The following EYS variants were observed in gnomAD, a reference collection of about 807,000 sequenced individuals.
EYS encodes the protein EGF-like photoreceptor maintenance factor, also known as protein eyes shut homolog.
Under a neutral mutation model 282.1 loss-of-function variants are expected in EYS, and 250 were observed. That is an observed-to-expected ratio of 0.89 (90% CI 0.80 to 0.98). EYS has a LOEUF of 0.98. Among genes scored for constraint, EYS ranks in the 50% least tolerant of loss-of-function variants. The pLI is 0.00. For synonymous variants in EYS, 1,355 were observed against 1,282.9 expected (o/e 1.06, Z -1.20); for missense variants, 4,016 against 3,709.0 (o/e 1.08, Z -2.15).
intron 33 of EYS, among the ~76,000 whole-genome samples, chr6:64,023,434 A>G (rs1432266839): frequency 6.6e-6 from 1 of 152,228 alleles, no homozygotes. Flanking sequence ...TGTTTCTACC[A>G]TTTGTAGTGT....
At chr6:65,484,907 G>A (rs2127259385) in intron 5 of EYS, among the ~76,000 whole-genome samples, 1 of 152,282 alleles carries the variant, frequency 6.6e-6, no homozygotes, top group Middle Eastern at 3.4e-3. Context: ...ACACATTTAT[G>A]TTTGTCTATG....
At chr6:64,519,401 G>T (rs2150524588) in intron 26 of EYS, among the ~76,000 whole-genome samples, 1 of 151,830 alleles carries the variant, frequency 6.6e-6, no homozygotes, top group African/African-American at 2.4e-5. Flanking sequence ...CTAATTTGAG[G>T]ATACACAAAA....
Position 64,899,955 on chromosome 6 carries a change from G to T in EYS, c.2846+2158C>A, listed in dbSNP as rs140060822. The stretch of plus-strand genomic sequence containing the variant: ...CCTAAGCAAAGGATCAAAGCTGGAG[G>T]CACAATGCTACCTGACTTCAAACTA... On this transcript the variant is annotated intron_variant, in intron 18 of 42. Coordinates refer to ENST00000503581, the MANE Select transcript of EYS (RefSeq NM_001142800.2). Among the ~76,000 whole-genome samples, 1,232 of 152,216 alleles carry T rather than the reference G, an allele frequency of 8.1e-3. 11 individuals carry two copies. Among genetic ancestry groups the T allele is most frequent in the Non-Finnish European group, 9.4e-3 (636 of 68,002 alleles).
chr6:64,271,883 A>C lies in EYS; in HGVS notation c.6191+35087T>G, dbSNP rs1370322054. On this transcript the variant is annotated intron_variant, in intron 30 of 42. Coordinates refer to ENST00000503581, the MANE Select transcript of EYS (RefSeq NM_001142800.2). Reference sequence around the variant, plus strand: ...GAGACAGAGTCTCACTGCAACTCCCACGCTGGAGTGCAATGGCGTGATCTC... The same window carrying C: ...GAGACAGAGTCTCACTGCAACTCCCCCGCTGGAGTGCAATGGCGTGATCTC... 7.2e-5 allele frequency among the ~76,000 whole-genome samples: 11 copies of C among 152,066 alleles called. No homozygotes were observed. In the East Asian group the frequency reaches 1.9e-3, roughly 27 times the overall value.
chr6:64,266,218 A>G (rs902192613), intron 30 of EYS, among the ~76,000 whole-genome samples: 2 of 152,256 alleles, frequency 1.3e-5, no homozygotes, highest in African/African-American at 4.8e-5. Context: ...CCAGACACTA[A>G]ATACTCAATT....
chr6:64,963,906 T>C (rs1048096225), intron 14 of EYS, among the ~76,000 whole-genome samples: 3 of 152,140 alleles, frequency 2.0e-5, no homozygotes, highest in African/African-American at 4.8e-5. Context: ...TTGTAATACA[T>C]AATATAGAAT....
intron 2 of EYS, among the ~76,000 whole-genome samples, chr6:65,558,482 A>T (rs1169747453): frequency 6.6e-6 from 1 of 152,160 alleles, no homozygotes; most frequent in Non-Finnish European, 1.5e-5. Context: ...GAGCACAAGG[A>T]TATCTGGGTC....
At chr6:64,265,247 C>A (rs914793432) in intron 30 of EYS, among the ~76,000 whole-genome samples, 1 of 152,104 alleles carries the variant, frequency 6.6e-6, no homozygotes, top group African/African-American at 2.4e-5. Context: ...AGAATTATTT[C>A]TTTCCATTGT....
At chr6:64,389,926 C>A (rs1773052794) in intron 28 of EYS, among the ~76,000 whole-genome samples, 1 of 151,290 alleles carries the variant, frequency 6.6e-6, no homozygotes, top group East Asian at 2.0e-4. Context: ...ACACCGTGCG[C>A]CAGCCGAAGC....
At chr6:65,575,352 A>AAATAAATAAATT (rs1764625777) in intron 2 of EYS, among the ~76,000 whole-genome samples, 1 of 150,964 alleles carries the variant, frequency 6.6e-6, no homozygotes, top group South Asian at 2.1e-4. Flanking sequence ...ATAAATAAAT[A>AAATAAATAAATT]AATATTGATT....
intron 31 of EYS, among the ~76,000 whole-genome samples, chr6:64,154,938 A>G (rs1270337290): frequency 1.3e-5 from 2 of 152,166 alleles, no homozygotes; most frequent in Admixed American, 6.5e-5. Flanking sequence ...TAGTTTTCCA[A>G]TCACAGCCAC....
Position 63,864,367 on chromosome 6 carries a change from G to T in EYS, c.7056-9C>A. 1 of 1,545,050 alleles carries T rather than the reference G, an allele frequency of 6.5e-7. No homozygotes were observed. Among genetic ancestry groups the T allele is most frequent in the Non-Finnish European group, 8.7e-7 (1 of 1,142,870 alleles). ...ACAGATTTTCATTATCACTGAGAAGGGAAAAAATTTAAAAATTCATTAGGA... is the reference window on the plus strand; with the variant it reads ...ACAGATTTTCATTATCACTGAGAAGTGAAAAAATTTAAAAATTCATTAGGA... On this transcript the variant is annotated splice_polypyrimidine_tract_variant and intron_variant, in intron 35 of 42. Transcript: ENST00000503581.
intron 41 of EYS, among the ~76,000 whole-genome samples, chr6:63,749,475 G>A (rs1319472515): frequency 6.6e-6 from 1 of 152,174 alleles, no homozygotes; most frequent in Non-Finnish European, 1.5e-5. Context: ...TTTGGGTGGA[G>A]AGTTCTGTAG....
intron 30 of EYS, among the ~76,000 whole-genome samples, chr6:64,252,875 C>T (rs1372478762): frequency 6.6e-6 from 1 of 152,132 alleles, no homozygotes; most frequent in Admixed American, 6.6e-5. Context: ...AGAATCTAAA[C>T]TGTAACTTCA....
chr6:63,742,643 G>A lies in EYS; in HGVS notation c.8072-15963C>T, dbSNP rs552873026. On this transcript the variant is annotated intron_variant, in intron 41 of 42. Transcript: ENST00000503581. ...CAAAAAACAAAAACCCCTTTTTTCA[G>A]AACCAGTTCTCTTAGATACTACCCC... Among the ~76,000 whole-genome samples, 78 of 151,966 alleles carry A rather than the reference G, an allele frequency of 5.1e-4. 2 individuals carry two copies. Among genetic ancestry groups the A allele is most frequent in the African/African-American group, 1.9e-3 (77 of 41,476 alleles).
intron 28 of EYS, among the ~76,000 whole-genome samples, chr6:64,433,925 A>G (rs963304036): frequency 6.6e-6 from 1 of 152,024 alleles, no homozygotes; most frequent in African/African-American, 2.4e-5. Context: ...TCCAGCTTCT[A>G]TGAGTCTCAG....
intron 5 of EYS, among the ~76,000 whole-genome samples, chr6:65,429,408 GT>G (rs1275497331): frequency 6.6e-6 from 1 of 152,118 alleles, no homozygotes; most frequent in Non-Finnish European, 1.5e-5. Flanking sequence ...GTGAGGCAGA[GT>G]TATTCAATTC....
chr6:65,082,237 C>G (rs144633577), intron 12 of EYS, among the ~76,000 whole-genome samples: 1 of 151,948 alleles, frequency 6.6e-6, no homozygotes, highest in Non-Finnish European at 1.5e-5. Context: ...CTGAGATTAC[C>G]ATTCACCTGA....
intron 32 of EYS, among the ~76,000 whole-genome samples, chr6:64,066,807 C>A (rs562418695): frequency 6.6e-6 from 1 of 152,042 alleles, no homozygotes; most frequent in East Asian, 1.9e-4. Context: ...AGAGTAACTA[C>A]TGTGAGTATT....
Sources: allele counts gnomAD v4.1 joint callset (sites outside exome capture counted in the v4.1 genomes callset), GRCh38; gene constraint gnomAD v4.1.1; transcripts MANE v1.5; gene names NCBI Gene and HGNC (gene_info 2026-07-23, HGNC 2026-07-21).